Variants in L3MBTL4 observed in about 807,000 individuals in gnomAD.
L3MBTL4 encodes L3MBTL histone methyl-lysine binding protein 4, also known as lethal(3)malignant brain tumor-like protein 4.
A neutral mutation model predicts 84.5 loss-of-function variants in L3MBTL4; 70 were observed. That is an observed-to-expected ratio of 0.83 (90% CI 0.68 to 1.01). L3MBTL4 has a LOEUF of 1.01. L3MBTL4 is among the 50% of genes least tolerant of loss of function. The pLI is 0.00. For synonymous variants in L3MBTL4, 274 were observed against 259.8 expected, an observed-to-expected ratio of 1.05 and a Z score of -0.52; for missense variants, 715 against 754.8, an observed-to-expected ratio of 0.95 and a Z score of 0.62.
chr18:6,049,223 T>C (rs1485479337), intron 16 of L3MBTL4, among the ~76,000 whole-genome samples: 1 of 152,084 alleles, frequency 6.6e-6, no homozygotes, highest in African/African-American at 2.4e-5. Flanking sequence ...AAAAAGCAAT[T>C]GCAACGAAAA....
chr18:6,384,983 G>T (rs535639288), intron 1 of L3MBTL4, among the ~76,000 whole-genome samples: 1 of 152,274 alleles, frequency 6.6e-6, no homozygotes, highest in Non-Finnish European at 1.5e-5. Flanking sequence ...CTTCCTTTGG[G>T]GGAGAATAGA....
intron 1 of L3MBTL4, among the ~76,000 whole-genome samples, chr18:6,392,492 T>C (rs1022275515): frequency 3.9e-5 from 6 of 152,168 alleles, no homozygotes; most frequent in African/African-American, 9.6e-5. Context: ...GAGGTTGCAG[T>C]GAGCCAAGAT....
At position 5,960,129 on chromosome 18, in the gene L3MBTL4, C is replaced by G; in HGVS notation, c.1642G>C (p.Gly548Arg). 6.3e-7 allele frequency: 1 copy of G among 1,591,282 alleles called. No individual in the cohort carries two copies. Among genetic ancestry groups the G allele is most frequent in the Non-Finnish European group, 8.6e-7 (1 of 1,168,110 alleles). The change falls in exon 18 of 19, where the codon GGC (glycine) becomes CGC (arginine). Residue 548 changes from glycine (G) to arginine (R), a missense_variant. Coordinates refer to ENST00000317931, the MANE Select transcript of L3MBTL4 (RefSeq NM_001330559.2). ...EVAEFVQSLL[G>R]CEEHAKCFKK... is the part of the protein sequence containing the mutation. ...AAGCACTTGGCATGCTCTTCACAGC[C>G]CAGAAGAGACTGTACAAACTCAGCC...
intron 1 of L3MBTL4, among the ~76,000 whole-genome samples, chr18:6,349,291 T>C (rs1467979682): frequency 1.3e-5 from 2 of 152,146 alleles, no homozygotes; most frequent in Non-Finnish European, 2.9e-5. Flanking sequence ...AATCAAAACA[T>C]CCATTTATAG....
chr18:6,362,137 GA>G (rs796491009), intron 1 of L3MBTL4, among the ~76,000 whole-genome samples: 848 of 74,542 alleles, frequency 0.011, 12 homozygotes, highest in African/African-American at 0.061. Flanking sequence ...GAGGAGAGGA[GA>G]GGGGAGGGGA....
intron 13 of L3MBTL4, among the ~76,000 whole-genome samples, chr18:6,145,386 C>T (rs994049379): frequency 5.9e-5 from 9 of 152,114 alleles, no homozygotes; most frequent in South Asian, 2.1e-4. Context: ...GGTATACAGA[C>T]GCCCATAGCA....
chr18:6,031,709 T>C (rs1015364081), intron 16 of L3MBTL4: 88 of 985,384 alleles, frequency 8.9e-5, no homozygotes, highest in Non-Finnish European at 2.5e-5. Flanking sequence ...TCATGGGGAA[T>C]GGCAGAGGAA....
chr18:6,040,367 G>A (rs779100002), intron 16 of L3MBTL4, among the ~76,000 whole-genome samples: 7 of 152,068 alleles, frequency 4.6e-5, no homozygotes, highest in Non-Finnish European at 8.8e-5. Context: ...GGCATCTAGC[G>A]GGTAGAAACC....
chr18:6,097,103 G>T (rs1322937463), intron 14 of L3MBTL4, among the ~76,000 whole-genome samples: 5 of 152,190 alleles, frequency 3.3e-5, no homozygotes, highest in African/African-American at 1.2e-4. Flanking sequence ...AGACAGTTGA[G>T]TATCAGAAAT....
chr18:6,379,248 T>A (rs2054499798), intron 1 of L3MBTL4, among the ~76,000 whole-genome samples: 1 of 152,224 alleles, frequency 6.6e-6, no homozygotes, highest in Non-Finnish European at 1.5e-5. Flanking sequence ...AAATACACAA[T>A]CATGTTATCT....
chr18:6,257,546 C>A (rs1357450780), intron 5 of L3MBTL4, among the ~76,000 whole-genome samples: 1 of 151,842 alleles, frequency 6.6e-6, no homozygotes, highest in African/African-American at 2.4e-5. Context: ...AAATGCAGAA[C>A]CAAGGGACAT....
At chr18:6,247,743 C>G in intron 5 of L3MBTL4, among the ~76,000 whole-genome samples, 1 of 150,748 alleles carries the variant, frequency 6.6e-6, no homozygotes, top group Non-Finnish European at 1.5e-5. Context: ...GATCCACCTG[C>G]CTCGGTCTCC....
intron 16 of L3MBTL4, among the ~76,000 whole-genome samples, chr18:6,076,444 A>G (rs2057857997): frequency 6.6e-6 from 1 of 152,224 alleles, no homozygotes. Context: ...CCCTGGCAGG[A>G]GGAATGATAG....
At chr18:6,182,147 T>C (rs1461532075) in intron 12 of L3MBTL4, among the ~76,000 whole-genome samples, 1 of 152,214 alleles carries the variant, frequency 6.6e-6, no homozygotes, top group Non-Finnish European at 1.5e-5. Flanking sequence ...TTCTCCACAA[T>C]CTTGCCAGTA....
chr18:6,320,003 AATGTAAT>A (rs2051320631), intron 1 of L3MBTL4, among the ~76,000 whole-genome samples: 1 of 152,100 alleles, frequency 6.6e-6, no homozygotes. Context: ...CAAGTTAATA[AATGTAAT>A]ATATCACATA....
intron 8 of L3MBTL4, 78 bp downstream of exon 8, chr18:6,241,279 TA>T: frequency 1.2e-6 from 1 of 834,498 alleles, no homozygotes; most frequent in South Asian, 1.5e-5. Flanking sequence ...AGGATTAAAA[TA>T]AAACAGAATA....
intron 14 of L3MBTL4, among the ~76,000 whole-genome samples, chr18:6,127,079 C>T (rs1415417977): frequency 6.6e-6 from 1 of 152,178 alleles, no homozygotes; most frequent in Non-Finnish European, 1.5e-5. Context: ...AAAGCCGTGC[C>T]TTTGGGAACC....
chr18:6,169,207 G>A (rs2043839614), intron 13 of L3MBTL4, among the ~76,000 whole-genome samples: 2 of 152,088 alleles, frequency 1.3e-5, no homozygotes, highest in Admixed American at 6.6e-5. Flanking sequence ...GTGGAGAAAT[G>A]GGAACACTTT....
At chr18:6,092,682 C>A (rs1335137485) in intron 15 of L3MBTL4, among the ~76,000 whole-genome samples, 1 of 152,176 alleles carries the variant, frequency 6.6e-6, no homozygotes, top group African/African-American at 2.4e-5. Flanking sequence ...TTATAATTCC[C>A]AGCATGGAGA....
Sources: allele counts gnomAD v4.1 joint callset (sites outside exome capture counted in the v4.1 genomes callset), GRCh38; gene constraint gnomAD v4.1.1; transcripts MANE v1.5; gene names NCBI Gene and HGNC (gene_info 2026-07-23, HGNC 2026-07-21).